GRID2: variants seen among roughly 807,000 people sequenced by gnomAD.
GRID2 encodes glutamate receptor ionotropic, delta-2.
GRID2 carries 33 observed loss-of-function variants against 114.8 expected under a neutral mutation model. The ratio of observed to expected loss-of-function variants is 0.29; its 90% CI spans 0.22 to 0.38. GRID2 has a LOEUF of 0.38. Ranked by LOEUF, GRID2 falls within the 10% of genes least tolerant of loss-of-function variation. The pLI, the probability that GRID2 is intolerant of heterozygous loss-of-function variation, is 1.00. For missense variants in GRID2, 1,184 were observed against 1,257.7 expected (o/e 0.94, Z 0.89); for synonymous variants, 505 against 449.9 (o/e 1.12, Z -1.55).
intron 1 of GRID2, among the ~76,000 whole-genome samples, chr4:92,375,736 C>A (rs1729325461): frequency 6.6e-6 from 1 of 152,138 alleles, no homozygotes; most frequent in Non-Finnish European, 1.5e-5. Context: ...TATTCACACA[C>A]TGCATCAACT....
intron 8 of GRID2, among the ~76,000 whole-genome samples, chr4:93,302,020 A>G (rs994445084): frequency 6.6e-6 from 1 of 152,224 alleles, no homozygotes; most frequent in South Asian, 2.1e-4. Flanking sequence ...ACTGTAGTGT[A>G]TAAGAGGAAC....
chr4:93,081,700 G>A (rs1184444372), intron 2 of GRID2, among the ~76,000 whole-genome samples: 3 of 152,006 alleles, frequency 2.0e-5, no homozygotes, highest in Admixed American at 6.6e-5. Context: ...TAATAATAAA[G>A]AACTATGCCA....
intron 8 of GRID2, among the ~76,000 whole-genome samples, chr4:93,298,900 G>T (rs1718952503): frequency 6.6e-6 from 1 of 152,172 alleles, no homozygotes; most frequent in Non-Finnish European, 1.5e-5. Flanking sequence ...AGAAGCTAGG[G>T]TTTTTCAAAA....
rs538992195 is a variant in GRID2, at chr4:92,763,053, G to A, written c.244+172767G>A. Among the ~76,000 whole-genome samples, 4 of 152,266 alleles carry A rather than the reference G, an allele frequency of 2.6e-5. No individual in the cohort carries two copies. The South Asian group carries it at 6.2e-4, about 24-fold the overall frequency. ...GTAGCTTTTAAAAAGAGTATCAGCC[G>A]ACTTTGGGAGTATACACACTGCCAA... On this transcript the variant is annotated intron_variant, in intron 2 of 15. Transcript: ENST00000282020.
At chr4:93,334,244 C>T (rs1396728085) in intron 8 of GRID2, among the ~76,000 whole-genome samples, 2 of 152,126 alleles carry the variant, frequency 1.3e-5, no homozygotes, top group East Asian at 3.9e-4. Context: ...TCACTGTAGA[C>T]AAGTTCCCAC....
chr4:93,635,949 G>C (rs1337213531), intron 14 of GRID2, among the ~76,000 whole-genome samples: 1 of 152,136 alleles, frequency 6.6e-6, no homozygotes, highest in Non-Finnish European at 1.5e-5. Context: ...GAAGCATATA[G>C]CATTCTCACT....
At chr4:92,609,278 A>G (rs1392617680) in intron 2 of GRID2, among the ~76,000 whole-genome samples, 2 of 151,752 alleles carry the variant, frequency 1.3e-5, no homozygotes, top group Non-Finnish European at 2.9e-5. Context: ...CATTAATTTA[A>G]TTAATGTAAC....
chr4:92,536,089 G>C lies in GRID2; in HGVS notation c.89-54042G>C, dbSNP rs566128455. ...AAAAGAACAAAGCCTCCACAGCAAGGAAAGGAACGTGAGCAGGCTGCCACT... is the reference window on the plus strand; with the variant it reads ...AAAAGAACAAAGCCTCCACAGCAAGCAAAGGAACGTGAGCAGGCTGCCACT... On this transcript the variant is annotated intron_variant, in intron 1 of 15. Transcript: ENST00000282020. Among the ~76,000 whole-genome samples, 5 of 152,314 alleles carry C rather than the reference G, an allele frequency of 3.3e-5. 1 individual carries two copies. The South Asian group carries it at 8.3e-4, about 25-fold the overall frequency.
intron 2 of GRID2, among the ~76,000 whole-genome samples, chr4:92,855,507 C>T (rs1457500764): frequency 1.3e-5 from 2 of 151,912 alleles, no homozygotes; most frequent in Non-Finnish European, 2.9e-5. Flanking sequence ...TATGACATTG[C>T]TTACTTAATT....
chr4:93,047,881 A>AC (rs1428378126), intron 2 of GRID2, among the ~76,000 whole-genome samples: 4 of 150,740 alleles, frequency 2.7e-5, no homozygotes, highest in East Asian at 2.0e-4. Flanking sequence ...CAAACAAACA[A>AC]ACAAAAAAAA....
At chr4:92,897,175 T>C (rs1416258186) in intron 2 of GRID2, among the ~76,000 whole-genome samples, 1 of 152,114 alleles carries the variant, frequency 6.6e-6, no homozygotes, top group East Asian at 1.9e-4. Flanking sequence ...GGTATTAAAT[T>C]ATATTATTTT....
At chr4:92,980,379 A>G (rs931575679) in intron 2 of GRID2, among the ~76,000 whole-genome samples, 6 of 152,102 alleles carry the variant, frequency 3.9e-5, no homozygotes, top group African/African-American at 1.4e-4. Context: ...CTTAAAAATA[A>G]TTGAAGATAA....
chr4:93,192,295 G>A (rs1741058332), intron 4 of GRID2, among the ~76,000 whole-genome samples: 2 of 152,028 alleles, frequency 1.3e-5, no homozygotes, highest in Non-Finnish European at 2.9e-5. Context: ...TCTATTTTTA[G>A]GAAAATAGAT....
intron 6 of GRID2, among the ~76,000 whole-genome samples, chr4:93,217,793 G>A (rs1298610801): frequency 6.6e-6 from 1 of 152,116 alleles, no homozygotes; most frequent in South Asian, 2.1e-4. Flanking sequence ...TATAATGCTA[G>A]CATATAAGTT....
At chr4:92,557,596 A>C (rs1275254864) in intron 1 of GRID2, among the ~76,000 whole-genome samples, 2 of 148,088 alleles carry the variant, frequency 1.4e-5, no homozygotes, top group African/African-American at 5.0e-5. Context: ...TATATACCTT[A>C]TATTTGTGTA....
chr4:93,757,100 C>T (rs1389270257), intron 14 of GRID2, among the ~76,000 whole-genome samples: 1 of 152,106 alleles, frequency 6.6e-6, no homozygotes, highest in African/African-American at 2.4e-5. Context: ...AAAGAATGCC[C>T]TCTTGTCATT....
chr4:93,055,606 G>T (rs1438001838), intron 2 of GRID2, among the ~76,000 whole-genome samples: 1 of 151,880 alleles, frequency 6.6e-6, no homozygotes, highest in Non-Finnish European at 1.5e-5. Context: ...TTTCTTGTAA[G>T]TTTTTTCCTC....
chr4:92,845,632 G>A (rs867170477), intron 2 of GRID2, among the ~76,000 whole-genome samples: 2 of 151,974 alleles, frequency 1.3e-5, no homozygotes, highest in Non-Finnish European at 2.9e-5. Flanking sequence ...CTCCCTACGA[G>A]TCCAATGGAT....
At chr4:92,461,592 G>T (rs1431805331) in intron 1 of GRID2, among the ~76,000 whole-genome samples, 2 of 151,792 alleles carry the variant, frequency 1.3e-5, no homozygotes, top group East Asian at 1.9e-4. Flanking sequence ...TTTTATATGA[G>T]AATTGCTAAT....
Sources: allele counts gnomAD v4.1 joint callset (sites outside exome capture counted in the v4.1 genomes callset), GRCh38; gene constraint gnomAD v4.1.1; transcripts MANE v1.5; gene names NCBI Gene and HGNC (gene_info 2026-07-23, HGNC 2026-07-21).